Variants in DMD observed in about 807,000 individuals in gnomAD.
The protein encoded by DMD is dystrophin, also known as mutant dystrophin.
In DMD, 63 loss-of-function variants were observed where a neutral mutation model predicts 330.1. That is an observed-to-expected ratio of 0.19 (90% CI 0.16 to 0.24). DMD has a LOEUF of 0.24. Ranked by LOEUF, DMD falls within the 10% of genes least tolerant of loss-of-function variation. The pLI, the probability that DMD is intolerant of heterozygous loss-of-function variation, is 1.00. For missense variants in DMD, 3,344 were observed against 2,684.1 expected, an observed-to-expected ratio of 1.25 and a Z score of -5.43; for synonymous variants, 1,223 against 959.8, an observed-to-expected ratio of 1.27 and a Z score of -5.07.
chrX:32,255,101 G>A (rs1177308681), intron 43 of DMD, among the ~76,000 whole-genome samples: 1 of 112,020 alleles, frequency 8.9e-6, no homozygotes, highest in East Asian at 2.8e-4. Flanking sequence ...ATTTTAGGAT[G>A]TGACAGAATT....
intron 60 of DMD, among the ~76,000 whole-genome samples, chrX:31,433,889 C>G (rs1381741586): frequency 5.4e-5 from 6 of 111,812 alleles, no homozygotes; most frequent in African/African-American, 2.0e-4. Context: ...TCTGGTATAA[C>G]TTTCTGCTTA....
chrX:32,888,918 T>TA lies in DMD; in HGVS notation c.94-39099dup, dbSNP rs760440174. Reference sequence around the variant, plus strand: ...TCTCAAGTCCAGGCACGGAAAATTATAATTTTTTTTTTTGGAAAAAAATGT... The same window carrying TA: ...TCTCAAGTCCAGGCACGGAAAATTATAAATTTTTTTTTTTGGAAAAAAATGT... On this transcript the variant is annotated intron_variant, in intron 2 of 78. Coordinates refer to ENST00000357033, the MANE Select transcript of DMD (RefSeq NM_004006.3). Among the ~76,000 whole-genome samples, 69 of 110,211 alleles carry TA rather than the reference T, an allele frequency of 6.3e-4. No homozygotes were observed. The South Asian group carries it at 0.026, about 42-fold the overall frequency.
chrX:33,105,999 C>T (rs762929379), intron 1 of DMD, among the ~76,000 whole-genome samples: 72 of 107,870 alleles, frequency 6.7e-4, no homozygotes, highest in Admixed American at 4.3e-3. Context: ...AATTCACAAT[C>T]GCAAAGATAT....
chrX:31,329,670 G>A (rs1276729405), intron 61 of DMD, among the ~76,000 whole-genome samples: 1 of 110,458 alleles, frequency 9.1e-6, no homozygotes, highest in African/African-American at 3.3e-5. Flanking sequence ...AAAACTTAAG[G>A]GGATTAAGAG....
intron 7 of DMD, among the ~76,000 whole-genome samples, chrX:32,776,667 C>T (rs1260553599): frequency 1.9e-5 from 2 of 107,189 alleles, no homozygotes; most frequent in Non-Finnish European, 3.9e-5. Flanking sequence ...CAATCACCTC[C>T]CACCAGGACC....
At chrX:32,193,420 G>A (rs957248620) in intron 44 of DMD, among the ~76,000 whole-genome samples, 2 of 111,674 alleles carry the variant, frequency 1.8e-5, no homozygotes, top group African/African-American at 6.5e-5. Context: ...GGGATTGGAC[G>A]TTCATTCTAA....
intron 55 of DMD, among the ~76,000 whole-genome samples, chrX:31,624,961 T>C (rs370420240): frequency 4.4e-5 from 5 of 112,459 alleles, no homozygotes; most frequent in African/African-American, 1.6e-4. Context: ...GCATTTCCAT[T>C]TGTTGCTCTT....
chrX:31,531,749 A>G (rs1274077442), intron 55 of DMD, among the ~76,000 whole-genome samples: 2 of 109,460 alleles, frequency 1.8e-5, no homozygotes, highest in African/African-American at 6.7e-5. Flanking sequence ...AAAATTTAGA[A>G]GAATGTATAA....
At chrX:31,802,006 G>A (rs1371520552) in intron 50 of DMD, among the ~76,000 whole-genome samples, 2 of 111,240 alleles carry the variant, frequency 1.8e-5, no homozygotes, top group Non-Finnish European at 3.8e-5. Context: ...AGACCAATAT[G>A]TGCAATGGCT....
At chrX:32,191,534 G>C (rs1208295154) in intron 44 of DMD, among the ~76,000 whole-genome samples, 2 of 111,515 alleles carry the variant, frequency 1.8e-5, no homozygotes. Flanking sequence ...CAGGAGCTAT[G>C]CTAGGTCCCG....
intron 1 of DMD, among the ~76,000 whole-genome samples, chrX:33,020,865 T>G (rs2093900855): frequency 9.0e-6 from 1 of 111,003 alleles, no homozygotes. Flanking sequence ...CCTTTCCCCA[T>G]GCCATCCACC....
At chrX:32,869,093 T>G (rs1479346843) in intron 2 of DMD, among the ~76,000 whole-genome samples, 2 of 111,108 alleles carry the variant, frequency 1.8e-5, no homozygotes, top group Non-Finnish European at 3.8e-5. Flanking sequence ...TAGGTGACAT[T>G]TCCAAGTGCA....
At chrX:32,362,125 A>G (rs1202586293) in intron 37 of DMD, among the ~76,000 whole-genome samples, 1 of 112,061 alleles carries the variant, frequency 8.9e-6, no homozygotes, top group Admixed American at 9.5e-5. Context: ...CTTAAACAGT[A>G]ATATAAATAG....
intron 52 of DMD, among the ~76,000 whole-genome samples, chrX:31,711,125 T>C (rs2084604970): frequency 9.0e-6 from 1 of 110,958 alleles, no homozygotes; most frequent in Non-Finnish European, 1.9e-5. Flanking sequence ...GCCCTTTTCA[T>C]GTCTTTATAA....
chrX:31,822,732 G>C (rs961697787), intron 49 of DMD, among the ~76,000 whole-genome samples: 1 of 99,053 alleles, frequency 1.0e-5, no homozygotes, highest in Non-Finnish European at 2.0e-5. Flanking sequence ...TTGAGATTTT[G>C]AGCTGGTAAA....
rs1217593358 is a variant in DMD at position 33,009,391 on chromosome X, T to TATGTGTGTATATGTGTATATACAC, written c.93+10724_93+10747dup. Among the ~76,000 whole-genome samples, 378 of 86,605 alleles carry TATGTGTGTATATGTGTATATACAC rather than the reference T, an allele frequency of 4.4e-3. 69 individuals are homozygous for TATGTGTGTATATGTGTATATACAC. The highest frequency in any genetic ancestry group is 8.8e-3 in the East Asian group (22 of 2,489). 75.2% of individuals were successfully genotyped at this position (86,605 alleles called of 115,157 possible). On this transcript the variant is annotated intron_variant, in intron 2 of 78. Transcript: ENST00000357033. ...GTATATGTGTATATACACGTGTATATATGTGTGTATATGTGTATATACACA... is the reference window on the plus strand; with the variant it reads ...GTATATGTGTATATACACGTGTATATATGTGTGTATATGTGTATATACACATGTGTGTATATGTGTATATACACA...
chrX:33,102,752 T>A (rs747767243), intron 1 of DMD, among the ~76,000 whole-genome samples: 22 of 111,776 alleles, frequency 2.0e-4, no homozygotes, highest in African/African-American at 6.8e-4. Context: ...AAATTATAAA[T>A]GAATCAGTGG....
chrX:32,420,327 T>A (rs1445585150), intron 29 of DMD, among the ~76,000 whole-genome samples: 1 of 112,143 alleles, frequency 8.9e-6, no homozygotes, highest in Non-Finnish European at 1.9e-5. Context: ...AGACCACATG[T>A]TCAAGCAAAA....
At chrX:33,312,496 A>G (rs2053865284) in intron 1 of DMD, among the ~76,000 whole-genome samples, 1 of 111,685 alleles carries the variant, frequency 9.0e-6, no homozygotes, top group Non-Finnish European at 1.9e-5. Flanking sequence ...CATAACTTGA[A>G]TGTCGTTCTG....
Sources: allele counts gnomAD v4.1 joint callset (sites outside exome capture counted in the v4.1 genomes callset), GRCh38; gene constraint gnomAD v4.1.1; transcripts MANE v1.5; gene names NCBI Gene and HGNC (gene_info 2026-07-23, HGNC 2026-07-21).